EYA4: variants seen among roughly 807,000 people sequenced by gnomAD.
EYA4 encodes the protein protein phosphatase EYA4.
In EYA4, 31 loss-of-function variants were observed where a neutral mutation model predicts 87.9. The observed-to-expected ratio is 0.35, with a 90% CI of 0.27 to 0.48. The LOEUF (loss-of-function observed/expected upper bound fraction) is 0.48. Ranked by LOEUF, EYA4 falls within the 20% of genes least tolerant of loss-of-function variation. The pLI is 0.99. For missense variants in EYA4, 678 were observed against 761.4 expected, an observed-to-expected ratio of 0.89 and a Z score of 1.29; for synonymous variants, 263 against 270.6, an observed-to-expected ratio of 0.97 and a Z score of 0.28.
intron 19 of EYA4, 22 bp downstream of exon 19, chr6:133,525,276 C>G (rs919261385): frequency 6.3e-7 from 1 of 1,577,350 alleles, no homozygotes. Flanking sequence ...CAAACAATGT[C>G]GGTGTGATAC....
chr6:133,298,150 A>T (rs1440043266), intron 2 of EYA4, among the ~76,000 whole-genome samples: 1 of 151,856 alleles, frequency 6.6e-6, no homozygotes, highest in African/African-American at 2.4e-5. Flanking sequence ...AATTATTTTG[A>T]TACTCAAATT....
rs943622330 is a variant in EYA4 at position 133,463,679 on chromosome 6, A to G, written c.724+915A>G. ...CCTAGCTGTGTTTTATCTTAATGCA[A>G]TAGTTGCCAAAAGAATTTTAGTGAC... On this transcript the variant is annotated intron_variant, in intron 9 of 19. Coordinates refer to ENST00000355286, the MANE Select transcript of EYA4 (RefSeq NM_004100.5). Among the ~76,000 whole-genome samples, 37 of 152,102 alleles carry G rather than the reference A, an allele frequency of 2.4e-4. 1 individual carries two copies. The highest frequency in any genetic ancestry group is 1.2e-4 in the African/African-American group (5 of 41,450).
At chr6:133,499,470 C>G (rs900488090) in intron 13 of EYA4, among the ~76,000 whole-genome samples, 7 of 152,160 alleles carry the variant, frequency 4.6e-5, no homozygotes, top group Non-Finnish European at 5.9e-5. Context: ...TAGTTTAATA[C>G]ATTTGGATTC....
chr6:133,492,567 A>G (rs1243294340), intron 13 of EYA4, among the ~76,000 whole-genome samples: 1 of 152,218 alleles, frequency 6.6e-6, no homozygotes, highest in Non-Finnish European at 1.5e-5. Flanking sequence ...GCCCACTGTC[A>G]CCACTGTTAT....
intron 2 of EYA4, among the ~76,000 whole-genome samples, chr6:133,310,512 G>A (rs1348373081): frequency 1.8e-4 from 28 of 152,130 alleles, no homozygotes; most frequent in Non-Finnish European, 2.9e-5. Context: ...ATTATTAATT[G>A]CCATTGTAAA....
chr6:133,493,067 C>A (rs756760759), intron 13 of EYA4, among the ~76,000 whole-genome samples: 1 of 152,096 alleles, frequency 6.6e-6, no homozygotes, highest in African/African-American at 2.4e-5. Context: ...TATCAAAATA[C>A]TACTGACATT....
At position 133,241,643 on chromosome 6, in the gene EYA4, G is replaced by A. The variant is rs1197260334; in HGVS notation, c.-172G>A. The A allele has an allele frequency of 6.6e-6, 1 of 152,282 alleles. No homozygotes were observed. Among genetic ancestry groups the A allele is most frequent in the African/African-American group, 2.4e-5 (1 of 41,440 alleles). The allele number at this position is 152,282 out of a possible 1,614,324, so 9.4% of individuals were successfully genotyped here. A position where few individuals can be genotyped will look rare whatever the true frequency, so the allele number is the denominator to read the frequency against. On this transcript the variant is annotated 5_prime_UTR_variant, in exon 1 of 20. Transcript: ENST00000355286. ...TTTTCACCAGAGGCACAGCGCGAAG[G>A]GGAAACTTCGACACTGGAAGGAACG...
intron 14 of EYA4, 154 bp downstream of exon 14, chr6:133,506,349 A>G: frequency 1.7e-6 from 1 of 572,764 alleles, no homozygotes; most frequent in Admixed American, 3.0e-5. Context: ...GTATATACAA[A>G]TATAAGCAGA....
At chr6:133,249,546 C>T (rs187337651) in intron 1 of EYA4, among the ~76,000 whole-genome samples, 100 of 152,284 alleles carry the variant, frequency 6.6e-4, no homozygotes, top group African/African-American at 2.4e-3. Context: ...GAGAACCTTG[C>T]TCAGGTTGCT....
At chr6:133,327,132 A>G (rs1781558733) in intron 2 of EYA4, among the ~76,000 whole-genome samples, 1 of 152,006 alleles carries the variant, frequency 6.6e-6, no homozygotes, top group Non-Finnish European at 1.5e-5. Context: ...ACTAAAATTT[A>G]TTTTATTTTA....
In EYA4 at chr6:133,501,483, C is replaced by T. The variant is rs530927645; in HGVS notation, c.1192-4623C>T. Among the ~76,000 whole-genome samples the T allele has an allele frequency of 1.5e-4, 23 of 152,194 alleles. 1 individual carries two copies. Among genetic ancestry groups the T allele is most frequent in the African/African-American group, 5.1e-4 (21 of 41,530 alleles). ...AGTTCCTCCTAAGAACCTGTAAGCC[C>T]ACTACCTATCCATCATAGACAAGTA... On this transcript the variant is annotated intron_variant, in intron 13 of 19. Transcript: ENST00000355286.
chr6:133,416,146 C>T (rs1184365321), intron 3 of EYA4, among the ~76,000 whole-genome samples: 2 of 152,114 alleles, frequency 1.3e-5, no homozygotes, highest in South Asian at 4.1e-4. Context: ...AAGGGAGTGC[C>T]ATGGGCAGAT....
chr6:133,285,393 G>A lies in EYA4; in HGVS notation c.33+10580G>A, dbSNP rs541061909. On this transcript the variant is annotated intron_variant, in intron 2 of 19. Coordinates refer to ENST00000355286, the MANE Select transcript of EYA4 (RefSeq NM_004100.5). ...AATTAGAGGGAACAGCAACCGTGAG[G>A]TGGTAGCATGCAGGGTAGGTTCAAG... 3.0e-4 allele frequency among the ~76,000 whole-genome samples: 46 copies of A among 152,290 alleles called. No homozygotes were observed. In the South Asian group the frequency reaches 9.1e-3, roughly 30 times the overall value.
At chr6:133,461,249 T>A in intron 7 of EYA4, 69 bp downstream of exon 7, 1 of 1,089,644 alleles carries the variant, frequency 9.2e-7, no homozygotes, top group South Asian at 1.2e-5. Context: ...TATAGATGGT[T>A]GGATAATACT....
At chr6:133,420,143 AT>A (rs574216182) in intron 3 of EYA4, among the ~76,000 whole-genome samples, 148 of 152,260 alleles carry the variant, frequency 9.7e-4, no homozygotes, top group Non-Finnish European at 1.4e-3. Flanking sequence ...CCAAAAAAAA[AT>A]CATCCATACC....
chr6:133,255,074 C>T (rs533043145), intron 1 of EYA4, among the ~76,000 whole-genome samples: 1 of 152,136 alleles, frequency 6.6e-6, no homozygotes, highest in Non-Finnish European at 1.5e-5. Context: ...AATAACAGTA[C>T]TCGCCTCATG....
At chr6:133,309,195 T>C (rs986093205) in intron 2 of EYA4, among the ~76,000 whole-genome samples, 24 of 89,344 alleles carry the variant, frequency 2.7e-4, no homozygotes, top group African/African-American at 1.5e-3. Context: ...TTTAAATATA[T>C]TTTTTATTAT....
intron 2 of EYA4, among the ~76,000 whole-genome samples, chr6:133,319,310 T>C (rs6937974): frequency 0.58 from 88,584 of 152,144 alleles, 26,461 homozygotes; most frequent in Middle Eastern, 0.67. Context: ...AATTAGCAGT[T>C]AGAATTTAGA....
chr6:133,505,326 C>A (rs185892520), intron 13 of EYA4, among the ~76,000 whole-genome samples: 1 of 152,140 alleles, frequency 6.6e-6, no homozygotes, highest in Admixed American at 6.6e-5. Flanking sequence ...TCTTGATTTT[C>A]GACTTCTTGC....
Sources: allele counts gnomAD v4.1 joint callset (sites outside exome capture counted in the v4.1 genomes callset), GRCh38; gene constraint gnomAD v4.1.1; transcripts MANE v1.5; gene names NCBI Gene and HGNC (gene_info 2026-07-23, HGNC 2026-07-21).